The following RPA3 variants were observed in gnomAD, a reference collection of about 807,000 sequenced individuals.
The protein encoded by RPA3 is replication protein A3.
A neutral mutation model predicts 13.7 loss-of-function variants in RPA3; 24 were observed. The ratio of observed to expected loss-of-function variants is 1.75; its 90% confidence interval spans 1.27 to 2.46. The LOEUF (loss-of-function observed/expected upper bound fraction) is 2.46. Among genes scored for constraint, RPA3 ranks in the 30% most tolerant of loss-of-function variants. The pLI is 0.00. For synonymous variants in RPA3, 59 were observed against 51.2 expected, an observed-to-expected ratio of 1.15 and a Z score of -0.65; for missense variants, 183 against 151.0, an observed-to-expected ratio of 1.21 and a Z score of -1.11.
In RPA3 at chr7:7,640,327, A is replaced by G. The variant is rs1388996446; in HGVS notation, c.92T>C (p.Leu31Pro). 1 of 1,613,872 alleles carries G rather than the reference A, an allele frequency of 6.2e-7. No individual in the cohort carries two copies. Among genetic ancestry groups the G allele is most frequent in the Non-Finnish European group, 8.5e-7 (1 of 1,179,926 alleles). The change falls in exon 5 of 8, where the codon CTG becomes CCG. Residue 31 changes from leucine (L) to proline (P), a missense_variant. Transcript: ENST00000223129. Reference protein sequence around the residue: ...IDKPVCFVGRLEKIHPTGKMF... With the variant: ...IDKPVCFVGRPEKIHPTGKMF... ...GATTGCGAACCCGCACACCTTTTCC[A>G]GCCTCCCTACGAAGCAGACAGGCTT...
chr7:7,674,389 C>G (rs190006954), intron 4 of RPA3, among the ~76,000 whole-genome samples: 233 of 152,304 alleles, frequency 1.5e-3, no homozygotes, highest in African/African-American at 5.3e-3. Flanking sequence ...TAAGGGTAAT[C>G]TCTGTGAGAC....
In RPA3 at chr7:7,704,766, C is replaced by CAAAAAAA. The variant is rs71011001; in HGVS notation, c.-1028+10402_-1028+10408dup. Among the ~76,000 whole-genome samples the CAAAAAAA allele has an allele frequency of 2.0e-3, 35 of 17,850 alleles. 2 individuals are homozygous for CAAAAAAA. In the East Asian group the frequency reaches 0.023, roughly 12 times the overall value. 11.7% of individuals were successfully genotyped at this position (17,850 alleles called of 152,430 possible). On this transcript the variant is annotated intron_variant, in intron 2 of 7. Transcript: ENST00000223129. ...TGGGTGACAGAGCGAGACTCCATCT[C>CAAAAAAA]AAAAAAAAAAAAAAAAAAAAAAAAA...
chr7:7,717,166 C>G (rs1338805104), intron 1 of RPA3, among the ~76,000 whole-genome samples: 2 of 151,052 alleles, frequency 1.3e-5, no homozygotes, highest in African/African-American at 4.9e-5. Flanking sequence ...AAGCGATTCT[C>G]TCACCTCTGC....
At position 7,685,844 on chromosome 7, in the gene RPA3, A is replaced by G. The variant is rs1041954849; in HGVS notation, c.-772T>C. The G allele has an allele frequency of 6.6e-6, 1 of 152,258 alleles. No individual in the cohort carries two copies. Among genetic ancestry groups the G allele is most frequent in the Non-Finnish European group, 1.5e-5 (1 of 68,042 alleles). The allele number at this position is 152,258 out of a possible 1,614,324, so 9.4% of individuals were successfully genotyped here. ...TATGGTCTTACCTTGGAAGAATAGT[A>G]TCTCATAAAATAAGTAAGAAGAATG... On this transcript the variant is annotated 5_prime_UTR_variant, in exon 4 of 8. Coordinates refer to ENST00000223129, the MANE Select transcript of RPA3 (RefSeq NM_002947.5).
chr7:7,664,136 A>C (rs1779370543), intron 4 of RPA3, among the ~76,000 whole-genome samples: 1 of 152,204 alleles, frequency 6.6e-6, no homozygotes, highest in Admixed American at 6.5e-5. Flanking sequence ...CTGGATTTCC[A>C]GTTTGTCTTG....
intron 4 of RPA3, among the ~76,000 whole-genome samples, chr7:7,644,128 GATGGAT>G (rs1371840171): frequency 1.3e-5 from 2 of 152,134 alleles, no homozygotes; most frequent in Non-Finnish European, 2.9e-5. Context: ...CCCCCAATTT[GATGGAT>G]ATGAAGTGTT....
At chr7:7,652,178 T>C (rs1416875104) in intron 4 of RPA3, among the ~76,000 whole-genome samples, 4 of 152,222 alleles carry the variant, frequency 2.6e-5, no homozygotes, top group African/African-American at 9.6e-5. Context: ...CACATCTTCT[T>C]TGTGGTTCAT....
At chr7:7,662,611 C>G (rs1436461820) in intron 4 of RPA3, among the ~76,000 whole-genome samples, 1 of 152,154 alleles carries the variant, frequency 6.6e-6, no homozygotes, top group Non-Finnish European at 1.5e-5. Flanking sequence ...GGCGACACCC[C>G]ACCCTGTTTC....
chr7:7,668,564 A>T lies in RPA3; in HGVS notation c.-758+17266T>A, dbSNP rs541782860. Among the ~76,000 whole-genome samples, 25 of 152,270 alleles carry T rather than the reference A, an allele frequency of 1.6e-4. 1 individual carries two copies. Among genetic ancestry groups the T allele is most frequent in the Admixed American group, 1.4e-3 (22 of 15,296 alleles). On this transcript the variant is annotated intron_variant, in intron 4 of 7. Coordinates refer to ENST00000223129, the MANE Select transcript of RPA3 (RefSeq NM_002947.5). ...AGTAAGTTCTCACTTAGCATCATGG[A>T]TGGGTTCTTAGAAACTGACTTTAAG...
intron 4 of RPA3, among the ~76,000 whole-genome samples, chr7:7,648,834 C>T (rs936755325): frequency 1.3e-5 from 2 of 150,372 alleles, no homozygotes; most frequent in Non-Finnish European, 3.0e-5. Flanking sequence ...GCCTGGGCGA[C>T]AGAGTGAGAC....
intron 2 of RPA3, among the ~76,000 whole-genome samples, chr7:7,703,244 C>T (rs778912299): frequency 2.0e-4 from 31 of 152,252 alleles, no homozygotes; most frequent in Non-Finnish European, 3.4e-4. Flanking sequence ...AATGTGCTTA[C>T]AGTGAGGCTT....
At chr7:7,710,862 G>A (rs192556168) in intron 2 of RPA3, among the ~76,000 whole-genome samples, 19 of 152,266 alleles carry the variant, frequency 1.2e-4, no homozygotes, top group African/African-American at 4.6e-4. Flanking sequence ...GCAAGAAGAA[G>A]TAACAAACTG....
intron 1 of RPA3, among the ~76,000 whole-genome samples, chr7:7,717,059 TC>T (rs1780929949): frequency 6.7e-6 from 1 of 149,142 alleles, no homozygotes; most frequent in African/African-American, 2.6e-5. Context: ...TTTCTTTTTT[TC>T]TTTTTTTTTT....
intron 2 of RPA3, among the ~76,000 whole-genome samples, chr7:7,696,317 C>G (rs1291765716): frequency 6.6e-6 from 1 of 151,072 alleles, no homozygotes; most frequent in East Asian, 1.9e-4. Context: ...AAAAAACACC[C>G]CAAAACAAAT....
intron 4 of RPA3, among the ~76,000 whole-genome samples, chr7:7,649,483 T>G (rs1412901906): frequency 6.6e-6 from 1 of 152,236 alleles, no homozygotes; most frequent in Non-Finnish European, 1.5e-5. Context: ...GCAATTAAGT[T>G]TCTAACACAT....
At chr7:7,705,296 T>A (rs528210083) in intron 2 of RPA3, among the ~76,000 whole-genome samples, 58 of 152,218 alleles carry the variant, frequency 3.8e-4, no homozygotes, top group Non-Finnish European at 7.3e-5. Context: ...TGGAAAAATA[T>A]CTGACTTATA....
At position 7,680,314 on chromosome 7, in the gene RPA3, A is replaced by T. The variant is rs567661269; in HGVS notation, c.-758+5516T>A. 2.6e-5 allele frequency among the ~76,000 whole-genome samples: 4 copies of T among 152,192 alleles called. 1 individual carries two copies. Among genetic ancestry groups the T allele is most frequent in the African/African-American group, 9.6e-5 (4 of 41,514 alleles). On this transcript the variant is annotated intron_variant, in intron 4 of 7. Coordinates refer to ENST00000223129, the MANE Select transcript of RPA3 (RefSeq NM_002947.5). ...TCAAGACTTCCTTTTCCCAATGTATATCCTTGGCACCCTTGTTGAAAATGA... is the reference window on the plus strand; with the variant it reads ...TCAAGACTTCCTTTTCCCAATGTATTTCCTTGGCACCCTTGTTGAAAATGA...
chr7:7,658,830 A>G (rs1314448731), intron 4 of RPA3, among the ~76,000 whole-genome samples: 1 of 152,214 alleles, frequency 6.6e-6, no homozygotes, highest in Non-Finnish European at 1.5e-5. Flanking sequence ...AAAATGAGTT[A>G]GGGAGGAGCC....
chr7:7,658,343 C>G lies in RPA3; in HGVS notation c.-757-17168G>C, dbSNP rs373838071. Among the ~76,000 whole-genome samples the G allele has an allele frequency of 5.8e-4, 89 of 152,346 alleles. 2 individuals are homozygous for G. The highest frequency in any genetic ancestry group is 2.1e-3 in the African/African-American group (86 of 41,570). On this transcript the variant is annotated intron_variant, in intron 4 of 7. Coordinates refer to ENST00000223129, the MANE Select transcript of RPA3 (RefSeq NM_002947.5). ...ATGGCCCTGGCCAGAACTTCTAATA[C>G]TGTGTTGAATAGGAGTGGTGAGAGA...
Sources: gnomAD v4.1 joint callset for allele counts (sites outside exome capture counted in the v4.1 genomes callset) on GRCh38, gnomAD v4.1.1 for gene constraint, MANE v1.5 for transcripts, NCBI Gene and HGNC (gene_info 2026-07-23, HGNC 2026-07-21) for gene names.